ZNF577: variants seen among roughly 807,000 people sequenced by gnomAD.
The protein encoded by ZNF577 is zinc finger protein 577.
Under a neutral mutation model 13.9 loss-of-function variants are expected in ZNF577, and 14 were observed. That is an observed-to-expected ratio of 1.00 (90% CI 0.66 to 1.57). ZNF577 has a LOEUF of 1.57. ZNF577 is among the 40% of genes most tolerant of loss of function. The pLI is 0.00. For synonymous variants in ZNF577, 203 were observed against 202.9 expected (o/e 1.00, Z 0.00); for missense variants, 555 against 579.2 (o/e 0.96, Z 0.43).
At chr19:51,826,084 C>T (rs1460903311) in intron 9 of ZNF577, 5 of 158,172 alleles carry the variant, frequency 3.2e-5, no homozygotes, top group South Asian at 2.1e-4. Flanking sequence ...TAAATATTAA[C>T]GTGATCATAT....
chr19:51,877,316 T>C lies in ZNF577; in HGVS notation c.249A>G (p.Ile83Met), dbSNP rs1046077116. The C allele has an allele frequency of 6.2e-7, 1 of 1,614,172 alleles. No individual in the cohort carries two copies. Among genetic ancestry groups the C allele is most frequent in the East Asian group, 2.2e-5 (1 of 44,878 alleles). ...FKLEQGEPPG[I>M]AEGAAHSQIC... ...TTTGACTGTGGGCTGCTCCTTCTGC[T>C]ATCCCTGGGGGTTCTCCTTGCTCCA... Residue 83 changes from isoleucine (I) to methionine (M), a missense_variant, in exon 5 of 6, where the codon ATA becomes ATG. Coordinates refer to ENST00000638348, the MANE Select transcript of ZNF577 (RefSeq NM_001370449.1).
rs1306585928 is a variant in ZNF577 at position 51,887,173 on chromosome 19, T to C, written c.-571A>G. On this transcript the variant is annotated 5_prime_UTR_variant, in exon 1 of 6. Transcript: ENST00000638348. ...ACAGATAGTCAAACAAATAAAAATATTGGGTTAATAGAAATCCATCACATG... is the reference window on the plus strand; with the variant it reads ...ACAGATAGTCAAACAAATAAAAATACTGGGTTAATAGAAATCCATCACATG... 1 of 152,082 alleles carries C rather than the reference T, an allele frequency of 6.6e-6. No individual in the cohort carries two copies. Among genetic ancestry groups the C allele is most frequent in the Non-Finnish European group, 1.5e-5 (1 of 68,008 alleles). The allele number at this position is 152,082 out of a possible 1,614,324, so 9.4% of individuals were successfully genotyped here.
At chr19:51,875,702 A>G (rs1426191734) in intron 5 of ZNF577, among the ~76,000 whole-genome samples, 3 of 152,134 alleles carry the variant, frequency 2.0e-5, no homozygotes, top group African/African-American at 4.8e-5. Flanking sequence ...TCTTCAAGCA[A>G]CACTCACTCC....
chr19:51,875,710 T>G (rs1390606467), intron 5 of ZNF577, among the ~76,000 whole-genome samples: 1 of 152,180 alleles, frequency 6.6e-6, no homozygotes, highest in Non-Finnish European at 1.5e-5. Context: ...CAACACTCAC[T>G]CCTCATGTCT....
At chr19:51,885,988 T>C (rs1434791174) in intron 1 of ZNF577, 2 of 152,150 alleles carry the variant, frequency 1.3e-5, no homozygotes, top group African/African-American at 2.4e-5. Flanking sequence ...ATGCAGCAAC[T>C]TAGATGATTT....
chr19:51,852,616 G>C (rs2084384515), intron 5 of ZNF577, among the ~76,000 whole-genome samples: 1 of 152,172 alleles, frequency 6.6e-6, no homozygotes. Flanking sequence ...AGGTAAGCTA[G>C]AGAAGTGAAA....
chr19:51,877,227 C>G, intron 5 of ZNF577, 55 bp downstream of exon 5: 1 of 1,493,026 alleles, frequency 6.7e-7, no homozygotes, highest in Non-Finnish European at 9.3e-7. Context: ...CCTTCTCCGA[C>G]CAGCTGGGAT....
chr19:51,833,446 T>C (rs964199790), intron 9 of ZNF577, among the ~76,000 whole-genome samples: 5 of 152,164 alleles, frequency 3.3e-5, no homozygotes, highest in Non-Finnish European at 4.4e-5. Context: ...ATGTTGATTG[T>C]GTTTTAAAAA....
intron 5 of ZNF577, among the ~76,000 whole-genome samples, chr19:51,845,648 G>A (rs1333849949): frequency 6.6e-6 from 1 of 151,848 alleles, no homozygotes; most frequent in African/African-American, 2.4e-5. Flanking sequence ...CCCCAGCCTT[G>A]GTAACCACCA....
intron 5 of ZNF577, chr19:51,860,795 T>C (rs1362528121): frequency 6.8e-6 from 2 of 292,366 alleles, no homozygotes; most frequent in African/African-American, 4.7e-5. Context: ...ACAAGAAAGA[T>C]AAACATTAAC....
intron 5 of ZNF577, among the ~76,000 whole-genome samples, chr19:51,846,018 A>C (rs2084349416): frequency 7.0e-6 from 1 of 143,882 alleles, no homozygotes; most frequent in Admixed American, 6.9e-5. Context: ...TGGTGGTTCT[A>C]TTTTTTTTTT....
In ZNF577 at chr19:51,880,821, C is replaced by CTTCTTCCATTACTGGAAGA. The variant is rs879744779; in HGVS notation, c.-163_-162insTCTTCCAGTAATGGAAGAA. 76 of 160,586 alleles carry CTTCTTCCATTACTGGAAGA rather than the reference C, an allele frequency of 4.7e-4. No individual in the cohort carries two copies. Among genetic ancestry groups the CTTCTTCCATTACTGGAAGA allele is most frequent in the East Asian group, 1.1e-3 (6 of 5,356 alleles). 9.9% of individuals were successfully genotyped at this position (160,586 alleles called of 1,614,324 possible). On this transcript the variant is annotated 5_prime_UTR_variant, in exon 2 of 6. It adds an upstream start codon to the 5' untranslated region. Transcript: ENST00000638348. ...TACCACTGGAAATGATGATCTTCCC[C>CTTCTTCCATTACTGGAAGA]AGCCTGGAAGCTCCTTCTTCCATTA...
chr19:51,834,187 C>T (rs749016507), intron 9 of ZNF577, among the ~76,000 whole-genome samples: 13 of 152,126 alleles, frequency 8.5e-5, no homozygotes, highest in Non-Finnish European at 1.5e-4. Context: ...AAACCCTGGG[C>T]TCAAGTGATC....
At chr19:51,836,944 A>G (rs1490977527) in intron 9 of ZNF577, among the ~76,000 whole-genome samples, 2 of 151,104 alleles carry the variant, frequency 1.3e-5, no homozygotes, top group African/African-American at 2.4e-5. Flanking sequence ...CTTGGGAGGC[A>G]GAGGCAGGAG....
At chr19:51,840,986 T>A (rs549443915) in intron 8 of ZNF577, 98 of 152,264 alleles carry the variant, frequency 6.4e-4, no homozygotes, top group African/African-American at 2.3e-3. Flanking sequence ...TCTGTCTATA[T>A]CTCCTGCCTT....
rs148272966 is a variant in ZNF577 at position 51,838,672 on chromosome 19, T to C, written c.*599+1221A>G. ...TAAATTTAATTTAAAAGTTTAAATA[T>C]GCGTTTAACCTGATCTGCTTTATGT... On this transcript the variant is annotated intron_variant and NMD_transcript_variant, in intron 9 of 10. Transcript: ENST00000638827. Among the ~76,000 whole-genome samples, 888 of 150,004 alleles carry C rather than the reference T, an allele frequency of 5.9e-3. 4 individuals are homozygous for C. The highest frequency in any genetic ancestry group is 9.4e-3 in the Non-Finnish European group (634 of 67,518).
chr19:51,870,448 T>C lies in ZNF577; in HGVS notation c.*2084A>G, dbSNP rs1032371269. 3.3e-5 allele frequency among the ~76,000 whole-genome samples: 5 copies of C among 152,188 alleles called. No individual in the cohort carries two copies. The highest frequency in any genetic ancestry group is 7.2e-5 in the African/African-American group (3 of 41,442). On this transcript the variant is annotated 3_prime_UTR_variant, in exon 6 of 6. Coordinates refer to ENST00000638348, the MANE Select transcript of ZNF577 (RefSeq NM_001370449.1). ...GGAGAGTTCGAGGCAGCCTTTACTG[T>C]AGAGCAAATCTGAGCCACCCACAGA...
In ZNF577 at chr19:51,824,157, C is replaced by T. The variant is rs748290067; in HGVS notation, c.*600-12483G>A. 6.2e-6 allele frequency: 10 copies of T among 1,613,994 alleles called. No homozygotes were observed. Among genetic ancestry groups the T allele is most frequent in the South Asian group, 2.2e-5 (2 of 91,048 alleles). On this transcript the variant is annotated intron_variant and NMD_transcript_variant, in intron 9 of 10. Coordinates refer to the ZNF577 transcript ENST00000638827. This position sits in a 1 kb window ranked among gnomAD's most constrained non-coding sequence, Gnocchi z 4.7. ...GCATCCAGCCTGGGCCCAGAACCAT[C>T]GCACCATGAGTCTGGCCAAGAGGGT...
chr19:51,860,796 AAACATT>A, intron 5 of ZNF577: 1 of 291,986 alleles, frequency 3.4e-6, no homozygotes, highest in Non-Finnish European at 6.4e-6. Context: ...CAAGAAAGAT[AAACATT>A]AACTGGGAAG....
Sources: gnomAD v4.1 joint callset for allele counts (sites outside exome capture counted in the v4.1 genomes callset) on GRCh38, gnomAD v4.1.1 for gene constraint, Gnocchi (gnomAD v3.1) non-coding constraint, MANE v1.5 for transcripts, NCBI Gene and HGNC (gene_info 2026-07-23, HGNC 2026-07-21) for gene names.